The following RPS6KA6 variants were observed in gnomAD, a reference collection of about 807,000 sequenced individuals.
The protein encoded by RPS6KA6 is ribosomal protein S6 kinase A6.
In RPS6KA6, 27 loss-of-function variants were observed where a neutral mutation model predicts 65.4. The observed-to-expected ratio is 0.41, with a 90% CI of 0.30 to 0.57. The LOEUF (loss-of-function observed/expected upper bound fraction) is 0.57, where lower values mean the gene tolerates loss of function less well. Ranked by LOEUF, RPS6KA6 falls within the 20% of genes least tolerant of loss-of-function variation. RPS6KA6 has a pLI of 0.24. For missense variants in RPS6KA6, 486 were observed against 555.6 expected, an observed-to-expected ratio of 0.87 and a Z score of 1.26; for synonymous variants, 190 against 184.2, an observed-to-expected ratio of 1.03 and a Z score of -0.26.
chrX:84,168,836 T>C (rs1224511698), intron 1 of RPS6KA6, among the ~76,000 whole-genome samples: 4 of 111,387 alleles, frequency 3.6e-5, no homozygotes, highest in Non-Finnish European at 7.5e-5. Flanking sequence ...TCCTGGAAAT[T>C]ATCTCAGTCA....
At chrX:84,159,600 A>C (rs2035477748) in intron 2 of RPS6KA6, among the ~76,000 whole-genome samples, 1 of 111,174 alleles carries the variant, frequency 9.0e-6, no homozygotes, top group African/African-American at 3.3e-5. Flanking sequence ...ATACAGAAAT[A>C]AACTGTGAAT....
At chrX:84,145,399 A>C in intron 6 of RPS6KA6, 79 bp downstream of exon 6, 1 of 608,419 alleles carries the variant, frequency 1.6e-6, no homozygotes. Flanking sequence ...AATAGGAAAA[A>C]TGTAATTAGC....
intron 20 of RPS6KA6, among the ~76,000 whole-genome samples, chrX:84,094,041 C>CTGTT (rs57557818): frequency 0.08 from 8,762 of 109,936 alleles, 331 homozygotes; most frequent in Middle Eastern, 0.23. Flanking sequence ...TTTTCTTTTT[C>CTGTT]TGTTTGTTTG....
At chrX:84,146,421 T>C (rs1037066866) in intron 5 of RPS6KA6, among the ~76,000 whole-genome samples, 2 of 111,816 alleles carry the variant, frequency 1.8e-5, no homozygotes, top group Admixed American at 1.9e-4. Flanking sequence ...GATAAATAGA[T>C]AGAGTTGATC....
At position 84,067,558 on chromosome X, in the gene RPS6KA6, T is replaced by C. The variant is rs1233311845; in HGVS notation, c.1972-2447A>G. On this transcript the variant is annotated intron_variant, in intron 20 of 21. Transcript: ENST00000262752. The stretch of plus-strand genomic sequence containing the variant: ...AAGATCAAATTAATGAAACAAAACA[T>C]GAAGATTAGAGAAAAAATAATTAAA... 1.2e-4 allele frequency among the ~76,000 whole-genome samples: 13 copies of C among 111,048 alleles called. No homozygotes were observed. In the Admixed American group the frequency reaches 1.2e-3, roughly 11 times the overall value.
Position 84,061,176 on chromosome X carries a change from G to A in RPS6KA6, c.*3101C>T, listed in dbSNP as rs1227111771. The A allele has an allele frequency of 2.7e-5, 3 of 112,479 alleles. No homozygotes were observed. Among genetic ancestry groups the A allele is most frequent in the Non-Finnish European group, 5.6e-5 (3 of 53,205 alleles). 9.3% of individuals were successfully genotyped at this position (112,479 alleles called of 1,213,427 possible). ...CCCACTTTAAAGCCTAAGTTTTCTT[G>A]TGGGCCTTAGGGCCAAGATAAATGG... On this transcript the variant is annotated 3_prime_UTR_variant, in exon 22 of 22. Transcript: ENST00000262752.
intron 12 of RPS6KA6, among the ~76,000 whole-genome samples, chrX:84,110,119 G>A (rs140894900): frequency 0.034 from 3,827 of 112,021 alleles, 68 homozygotes; most frequent in Non-Finnish European, 0.056. Context: ...CCATAGACAA[G>A]TGTCTTCTGT....
In RPS6KA6 at chrX:84,187,975, CCCGCCGCCGCCGCCGCCGCCG is replaced by C. The variant is rs751602149; in HGVS notation, c.-97_-77del. The C allele has an allele frequency of 3.3e-5, 25 of 755,626 alleles. No homozygotes were observed. The highest frequency in any genetic ancestry group is 4.0e-5 in the Non-Finnish European group (23 of 568,589). 62.3% of individuals were successfully genotyped at this position (755,626 alleles called of 1,213,427 possible). A position where few individuals can be genotyped will look rare whatever the true frequency, so the allele number is the denominator to read the frequency against. Reference sequence around the variant, plus strand: ...CCGCGCATCCTGTCTATTGAACTGGCCCGCCGCCGCCGCCGCCGCCGCCGCCGCCGCCGCGACCCCCAGCCC... The same window carrying C: ...CCGCGCATCCTGTCTATTGAACTGGCCCGCCGCCGCCGCGACCCCCAGCCC... On this transcript the variant is annotated 5_prime_UTR_variant, in exon 1 of 22. Coordinates refer to ENST00000262752, the MANE Select transcript of RPS6KA6 (RefSeq NM_014496.5).
At chrX:84,169,134 G>C (rs1226920793) in intron 1 of RPS6KA6, among the ~76,000 whole-genome samples, 1 of 111,848 alleles carries the variant, frequency 8.9e-6, no homozygotes, top group Non-Finnish European at 1.9e-5. Flanking sequence ...TTCTACATAT[G>C]ATTCTGGAAT....
At chrX:84,122,867 G>T (rs1415564501) in intron 8 of RPS6KA6, among the ~76,000 whole-genome samples, 1 of 111,545 alleles carries the variant, frequency 9.0e-6, no homozygotes, top group Non-Finnish European at 1.9e-5. Flanking sequence ...TACCAGCCAG[G>T]GTGGCTAAGG....
intron 3 of RPS6KA6, among the ~76,000 whole-genome samples, chrX:84,151,603 C>G (rs765391416): frequency 9.0e-6 from 1 of 111,140 alleles, no homozygotes; most frequent in Non-Finnish European, 1.9e-5. Flanking sequence ...GTTGGTTCAG[C>G]TCACAACTCA....
chrX:84,136,303 C>T (rs1047696041), intron 6 of RPS6KA6, among the ~76,000 whole-genome samples: 9 of 111,467 alleles, frequency 8.1e-5, no homozygotes, highest in African/African-American at 2.6e-4. Flanking sequence ...GTCATAATAG[C>T]TTACAACCTG....
At chrX:84,072,297 C>T (rs976382036) in intron 20 of RPS6KA6, among the ~76,000 whole-genome samples, 2 of 111,857 alleles carry the variant, frequency 1.8e-5, no homozygotes, top group Non-Finnish European at 3.8e-5. Context: ...GAATCAAGGA[C>T]AGACGCCATA....
At chrX:84,091,203 T>C (rs1195808768) in intron 20 of RPS6KA6, among the ~76,000 whole-genome samples, 1 of 111,827 alleles carries the variant, frequency 8.9e-6, no homozygotes, top group African/African-American at 3.3e-5. Flanking sequence ...AAATGAAAAA[T>C]AAATATTTAT....
In RPS6KA6 at chrX:84,061,595, T is replaced by C. The variant is rs936221470; in HGVS notation, c.*2682A>G. ...AATTGTTTCCTGAGTTTATTCATGGTAGTATGTGCTTAAGGACAACAGGTT... is the reference window on the plus strand; with the variant it reads ...AATTGTTTCCTGAGTTTATTCATGGCAGTATGTGCTTAAGGACAACAGGTT... On this transcript the variant is annotated 3_prime_UTR_variant, in exon 22 of 22. Transcript: ENST00000262752. 1.8e-5 allele frequency: 2 copies of C among 111,488 alleles called. No homozygotes were observed. The highest frequency in any genetic ancestry group is 6.5e-5 in the African/African-American group (2 of 30,736). The allele number at this position is 111,488 out of a possible 1,213,427, so 9.2% of individuals were successfully genotyped here. A position where few individuals can be genotyped will look rare whatever the true frequency, so the allele number is the denominator to read the frequency against.
At chrX:84,125,065 T>C (rs915746872) in intron 8 of RPS6KA6, among the ~76,000 whole-genome samples, 2 of 112,017 alleles carry the variant, frequency 1.8e-5, no homozygotes, top group African/African-American at 6.5e-5. Flanking sequence ...ATATTTTTCA[T>C]GCATGATGGA....
chrX:84,076,573 G>T (rs1220221246), intron 20 of RPS6KA6, among the ~76,000 whole-genome samples: 1 of 111,595 alleles, frequency 9.0e-6, no homozygotes, highest in East Asian at 2.8e-4. Context: ...GCAGACATAG[G>T]AAAAGGCTTA....
At chrX:84,184,837 A>AG (rs2035907359) in intron 1 of RPS6KA6, among the ~76,000 whole-genome samples, 3 of 106,907 alleles carry the variant, frequency 2.8e-5, no homozygotes, top group African/African-American at 1.0e-4. Context: ...CTCAAAAAAA[A>AG]AAAAAAAAAA....
At chrX:84,102,741 C>G (rs1602407998) in intron 17 of RPS6KA6, among the ~76,000 whole-genome samples, 1 of 110,786 alleles carries the variant, frequency 9.0e-6, no homozygotes, top group African/African-American at 3.3e-5. Context: ...GGAAACCATA[C>G]AAGGAGGTTT....
Sources: gnomAD v4.1 joint callset for allele counts (sites outside exome capture counted in the v4.1 genomes callset) on GRCh38, gnomAD v4.1.1 for gene constraint, MANE v1.5 for transcripts, NCBI Gene and HGNC (gene_info 2026-07-23, HGNC 2026-07-21) for gene names.